Variants in SMOC2 observed in about 807,000 individuals in gnomAD.
The protein encoded by SMOC2 is SPARC related modular calcium binding 2.
A neutral mutation model predicts 61.4 loss-of-function variants in SMOC2; 39 were observed. That is an observed-to-expected ratio of 0.64 (90% CI 0.49 to 0.83). The LOEUF (loss-of-function observed/expected upper bound fraction) is 0.83, where lower values mean the gene tolerates loss of function less well. SMOC2 is among the 40% of genes least tolerant of loss of function. SMOC2 has a pLI of 0.00. For synonymous variants in SMOC2, 247 were observed against 239.9 expected, an observed-to-expected ratio of 1.03 and a Z score of -0.27; for missense variants, 556 against 592.9, an observed-to-expected ratio of 0.94 and a Z score of 0.65.
At chr6:168,585,068 C>T (rs6900470) in intron 7 of SMOC2, among the ~76,000 whole-genome samples, 1,665 of 152,294 alleles carry the variant, frequency 0.011, 28 homozygotes, top group African/African-American at 0.037. Context: ...AGTGATCTTC[C>T]CATCTCAGCC....
chr6:168,531,211 G>A (rs1192498548), intron 4 of SMOC2, among the ~76,000 whole-genome samples: 1 of 152,128 alleles, frequency 6.6e-6, no homozygotes, highest in Non-Finnish European at 1.5e-5. Context: ...GAGCAGGGGG[G>A]TCAATTTTGT....
chr6:168,495,286 A>T (rs563095525), intron 1 of SMOC2, among the ~76,000 whole-genome samples: 3 of 152,132 alleles, frequency 2.0e-5, no homozygotes, highest in African/African-American at 7.2e-5. Flanking sequence ...CCCCCCTCTA[A>T]CTGAGGCCCT....
Position 168,587,397 on chromosome 6 carries a change from C to T in SMOC2, c.638-11421C>T, listed in dbSNP as rs141880849. On this transcript the variant is annotated intron_variant, in intron 7 of 12. Transcript: ENST00000356284. ...ACATGGCCTCGGGAGGTCCTAACGA[C>T]GCGTGCCCAAGGTGGTCGGGGCACA... Among the ~76,000 whole-genome samples the T allele has an allele frequency of 7.6e-3, 1,155 of 152,270 alleles. 17 individuals carry two copies. Among genetic ancestry groups the T allele is most frequent in the African/African-American group, 0.025 (1,052 of 41,544 alleles).
In SMOC2 at chr6:168,523,380, G is replaced by T. The variant is rs549468936; in HGVS notation, c.257-2966G>T. Reference sequence around the variant, plus strand: ...TGGGATTACAGGCGTGAGCCACCGCGCCCGGCCAGTAATTCTTTTTTTTTT... The same window carrying T: ...TGGGATTACAGGCGTGAGCCACCGCTCCCGGCCAGTAATTCTTTTTTTTTT... On this transcript the variant is annotated intron_variant, in intron 2 of 12. Coordinates refer to ENST00000356284, the MANE Select transcript of SMOC2 (RefSeq NM_001166412.2). Among the ~76,000 whole-genome samples, 4 of 132,214 alleles carry T rather than the reference G, an allele frequency of 3.0e-5. No individual in the cohort carries two copies. The South Asian group carries it at 7.6e-4, about 25-fold the overall frequency. 86.7% of individuals were successfully genotyped at this position (132,214 alleles called of 152,430 possible). A position where few individuals can be genotyped will look rare whatever the true frequency, so the allele number is the denominator to read the frequency against.
chr6:168,595,066 A>C (rs1785284903), intron 7 of SMOC2, among the ~76,000 whole-genome samples: 1 of 103,420 alleles, frequency 9.7e-6, no homozygotes, highest in Non-Finnish European at 2.2e-5. Flanking sequence ...AGGATGGCCG[A>C]GCTCCTCCTC....
chr6:168,466,673 G>A (rs1424974484), intron 1 of SMOC2, among the ~76,000 whole-genome samples: 1 of 152,230 alleles, frequency 6.6e-6, no homozygotes, highest in Non-Finnish European at 1.5e-5. Context: ...TTCTGCATCT[G>A]TCCCAGAGGA....
chr6:168,664,594 C>T (rs980277010), intron 12 of SMOC2: 1 of 398,532 alleles, frequency 2.5e-6, no homozygotes, highest in Non-Finnish European at 5.0e-6. Flanking sequence ...CAGGAGGCAT[C>T]CTGCATAAGC....
At chr6:168,596,940 A>G (rs1036269231) in intron 7 of SMOC2, among the ~76,000 whole-genome samples, 13 of 152,234 alleles carry the variant, frequency 8.5e-5, no homozygotes, top group African/African-American at 2.4e-4. Flanking sequence ...TCTCTTGTTC[A>G]TTAAACCGAT....
At chr6:168,558,761 G>T (rs957126605) in intron 7 of SMOC2, among the ~76,000 whole-genome samples, 1 of 152,176 alleles carries the variant, frequency 6.6e-6, no homozygotes, top group African/African-American at 2.4e-5. Context: ...GTGTGTGTTT[G>T]TGCATGTGTG....
chr6:168,486,421 T>C (rs1208399292), intron 1 of SMOC2, among the ~76,000 whole-genome samples: 2 of 152,038 alleles, frequency 1.3e-5, no homozygotes, highest in African/African-American at 4.8e-5. Flanking sequence ...CCTTGTGCAA[T>C]TGAACTCAAG....
At chr6:168,660,100 C>T (rs2115289061) in intron 11 of SMOC2, among the ~76,000 whole-genome samples, 1 of 142,980 alleles carries the variant, frequency 7.0e-6, no homozygotes, top group East Asian at 2.1e-4. Context: ...GATGGGCTAG[C>T]TCTGAGAGGG....
intron 4 of SMOC2, among the ~76,000 whole-genome samples, chr6:168,538,243 G>GA (rs1783784883): frequency 1.4e-5 from 2 of 142,980 alleles, no homozygotes; most frequent in South Asian, 2.3e-4. Flanking sequence ...GGAGCGGGGT[G>GA]GCCCCTGCTG....
intron 6 of SMOC2, among the ~76,000 whole-genome samples, 180 bp downstream of exon 6, chr6:168,547,349 C>G (rs77078747): frequency 8.5e-6 from 1 of 117,490 alleles, no homozygotes; most frequent in Non-Finnish European, 1.5e-5. Context: ...TTAAAAAAAA[C>G]AAACAAACAA....
intron 7 of SMOC2, among the ~76,000 whole-genome samples, chr6:168,573,163 C>T (rs111443373): frequency 1.6e-4 from 1 of 6,318 alleles, no homozygotes. Flanking sequence ...GCGATGTTCA[C>T]TTCCTCCCCG....
chr6:168,615,818 T>C (rs1460059071), intron 9 of SMOC2, among the ~76,000 whole-genome samples: 2 of 152,270 alleles, frequency 1.3e-5, no homozygotes, highest in African/African-American at 4.8e-5. Context: ...GGCATAATTA[T>C]CGTCTTTGAC....
rs546320418 is a variant in SMOC2 at position 168,570,484 on chromosome 6, C to T, written c.637+21281C>T. Among the ~76,000 whole-genome samples, 119 of 152,254 alleles carry T rather than the reference C, an allele frequency of 7.8e-4. 1 individual carries two copies. The highest frequency in any genetic ancestry group is 1.3e-4 in the Admixed American group (2 of 15,288). On this transcript the variant is annotated intron_variant, in intron 7 of 12. Coordinates refer to ENST00000356284, the MANE Select transcript of SMOC2 (RefSeq NM_001166412.2). ...CCAGGGCGCACTCCTGCTAATTCTC[C>T]GTGCTCAGCTAGGAGGGAGCCAGGT...
intron 1 of SMOC2, among the ~76,000 whole-genome samples, chr6:168,483,605 TA>T (rs1782262720): frequency 1.3e-5 from 2 of 152,144 alleles, no homozygotes; most frequent in Non-Finnish European, 2.9e-5. Context: ...AAATTCATCC[TA>T]AAATTCATGT....
At chr6:168,660,108 G>A (rs79610172) in intron 11 of SMOC2, among the ~76,000 whole-genome samples, 7,160 of 150,434 alleles carry the variant, frequency 0.048, 417 homozygotes, top group African/African-American at 0.14. Context: ...AGCTCTGAGA[G>A]GGCAGCCTCT....
At chr6:168,629,043 C>T (rs1432763627) in intron 9 of SMOC2, among the ~76,000 whole-genome samples, 1 of 152,246 alleles carries the variant, frequency 6.6e-6, no homozygotes, top group Non-Finnish European at 1.5e-5. Context: ...TTTCAGCTCT[C>T]TCTTCTCTGG....
Sources: gnomAD v4.1 joint callset for allele counts (sites outside exome capture counted in the v4.1 genomes callset) on GRCh38, gnomAD v4.1.1 for gene constraint, MANE v1.5 for transcripts, NCBI Gene and HGNC (gene_info 2026-07-23, HGNC 2026-07-21) for gene names.